NEK7: variants seen among roughly 807,000 people sequenced by gnomAD.
The protein encoded by NEK7 is serine/threonine-protein kinase Nek7.
NEK7 carries 18 observed loss-of-function variants against 44.6 expected under a neutral mutation model. The observed-to-expected ratio is 0.40, with a 90% CI of 0.28 to 0.60. The LOEUF (loss-of-function observed/expected upper bound fraction) is 0.60. Among genes scored for constraint, NEK7 ranks in the 20% least tolerant of loss-of-function variants. NEK7 has a pLI of 0.38. For synonymous variants in NEK7, 130 were observed against 121.1 expected (o/e 1.07, Z -0.48); for missense variants, 256 against 366.5 (o/e 0.70, Z 2.46).
rs1191418763 is a variant in NEK7, at chr1:198,320,611, CTT to C, written c.*1095_*1096del. 6.6e-6 allele frequency: 1 copy of C among 151,960 alleles called. No homozygotes were observed. Among genetic ancestry groups the C allele is most frequent in the Non-Finnish European group, 1.5e-5 (1 of 67,952 alleles). 9.4% of individuals were successfully genotyped at this position (151,960 alleles called of 1,614,324 possible). Reference sequence around the variant, plus strand: ...ACCAATACTTTTCCTGGATTGAAAACTTTTTTTAAACTTTTTAAAATTTGGGC... The same window carrying C: ...ACCAATACTTTTCCTGGATTGAAAACTTTTTAAACTTTTTAAAATTTGGGC... On this transcript the variant is annotated 3_prime_UTR_variant, in exon 10 of 10. Coordinates refer to ENST00000367385, the MANE Select transcript of NEK7 (RefSeq NM_133494.3).
chr1:198,194,128 T>C (rs1665156788), intron 1 of NEK7, among the ~76,000 whole-genome samples: 2 of 152,180 alleles, frequency 1.3e-5, no homozygotes, highest in African/African-American at 2.4e-5. Context: ...AGTCTCAGAA[T>C]ACAAAATCAC....
chr1:198,173,584 T>C (rs1484211913), intron 1 of NEK7, among the ~76,000 whole-genome samples: 1 of 152,160 alleles, frequency 6.6e-6, no homozygotes, highest in Non-Finnish European at 1.5e-5. Flanking sequence ...ATCATTTCCA[T>C]TCTTAATAAA....
chr1:198,219,685 T>C (rs1479155110), intron 1 of NEK7, among the ~76,000 whole-genome samples: 1 of 151,988 alleles, frequency 6.6e-6, no homozygotes, highest in African/African-American at 2.4e-5. Context: ...CATTATTGTA[T>C]AAAATAAGTA....
At chr1:198,162,245 T>A (rs1325710655) in intron 1 of NEK7, among the ~76,000 whole-genome samples, 1 of 152,176 alleles carries the variant, frequency 6.6e-6, no homozygotes, top group Admixed American at 6.5e-5. Context: ...GGGTTTTGTG[T>A]GTGCTGGACT....
intron 8 of NEK7, among the ~76,000 whole-genome samples, chr1:198,295,998 T>C (rs955343576): frequency 6.6e-6 from 1 of 152,136 alleles, no homozygotes; most frequent in Non-Finnish European, 1.5e-5. Context: ...GATAAAAATG[T>C]GTTGAGCTAC....
intron 1 of NEK7, among the ~76,000 whole-genome samples, chr1:198,211,009 C>A (rs1288207537): frequency 6.6e-6 from 1 of 151,878 alleles, no homozygotes; most frequent in Non-Finnish European, 1.5e-5. Flanking sequence ...GCCTCGGCCT[C>A]CCAAAGTGCA....
intron 1 of NEK7, among the ~76,000 whole-genome samples, chr1:198,183,519 T>A (rs976527641): frequency 1.3e-5 from 2 of 152,222 alleles, no homozygotes; most frequent in African/African-American, 4.8e-5. Flanking sequence ...TTATGCATGC[T>A]GACCCTCTAA....
At chr1:198,315,217 C>T (rs1396292494) in intron 9 of NEK7, among the ~76,000 whole-genome samples, 1 of 152,170 alleles carries the variant, frequency 6.6e-6, no homozygotes, top group Non-Finnish European at 1.5e-5. Context: ...GTCTGTCACC[C>T]CTTTCTTTGA....
chr1:198,193,739 T>C (rs1353275360), intron 1 of NEK7, among the ~76,000 whole-genome samples: 1 of 152,116 alleles, frequency 6.6e-6, no homozygotes, highest in Non-Finnish European at 1.5e-5. Context: ...TTTGATAAAA[T>C]TCAGTATCCC....
chr1:198,303,179 T>C (rs1291235397), intron 9 of NEK7, among the ~76,000 whole-genome samples: 1 of 152,082 alleles, frequency 6.6e-6, no homozygotes, highest in African/African-American at 2.4e-5. Flanking sequence ...TTCCATACAT[T>C]TGAGTATGAA....
rs575353950 is a variant in NEK7, at chr1:198,264,003, G to T, written c.262-122G>T. ...ACAATTCACTAAAGAAAAGTATACT[G>T]TCATGTTAAGATTTCTGTAATTTAA... On this transcript the variant is annotated intron_variant, in intron 4 of 9. Transcript: ENST00000367385. The T allele has an allele frequency of 3.4e-5, 33 of 978,712 alleles. No homozygotes were observed. The East Asian group carries it at 1.0e-3, about 30-fold the overall frequency. 60.6% of individuals were successfully genotyped at this position (978,712 alleles called of 1,614,324 possible).
At chr1:198,250,826 AC>A (rs1250754228) in intron 2 of NEK7, among the ~76,000 whole-genome samples, 1 of 149,416 alleles carries the variant, frequency 6.7e-6, no homozygotes, top group African/African-American at 2.5e-5. Context: ...TCATCTGCAA[AC>A]AGGGACAATT....
At chr1:198,271,921 A>C (rs971849209) in intron 5 of NEK7, among the ~76,000 whole-genome samples, 2 of 107,566 alleles carry the variant, frequency 1.9e-5, no homozygotes, top group African/African-American at 8.1e-5. Flanking sequence ...ATATATATAT[A>C]TATACACACA....
intron 3 of NEK7, among the ~76,000 whole-genome samples, chr1:198,258,663 A>G (rs2102939594): frequency 6.6e-6 from 1 of 152,300 alleles, no homozygotes; most frequent in South Asian, 2.1e-4. Flanking sequence ...AGATGACAAA[A>G]GAAAACCTTT....
Position 198,253,085 on chromosome 1 carries a change from C to G in NEK7, c.103C>G (p.Arg35Gly), listed in dbSNP as rs55833332. The G allele has an allele frequency of 8.0e-3, 12,914 of 1,611,886 alleles. 71 individuals carry two copies. Among genetic ancestry groups the G allele is most frequent in the Non-Finnish European group, 9.1e-3 (10,709 of 1,178,562 alleles). ...GGGCTATAATACATTAGCCAACTTT[C>G]GAATAGAAAAGAAAATTGGTCGCGG... ...DMGYNTLANFRIEKKIGRGQF... is the reference protein window; with the variant it reads ...DMGYNTLANFGIEKKIGRGQF... The change falls in exon 3 of 10, where the codon CGA (arginine) becomes GGA (glycine). Residue 35 changes from arginine to glycine, a missense_variant. By Grantham distance (125) the Arg-to-Gly change is moderately radical. Transcript: ENST00000367385.
intron 9 of NEK7, among the ~76,000 whole-genome samples, chr1:198,312,295 C>A (rs1655212712): frequency 3.3e-5 from 5 of 150,450 alleles, no homozygotes; most frequent in African/African-American, 9.8e-5. Flanking sequence ...TCCCCTTTAT[C>A]ATTTTTTATT....
chr1:198,200,815 TGTTGG>T (rs1401269471), intron 1 of NEK7, among the ~76,000 whole-genome samples: 1 of 152,110 alleles, frequency 6.6e-6, no homozygotes, highest in Admixed American at 6.5e-5. Context: ...CCTCCCAAAG[TGTTGG>T]GATTACAGGC....
At chr1:198,175,443 A>T (rs761556537) in intron 1 of NEK7, among the ~76,000 whole-genome samples, 2 of 152,256 alleles carry the variant, frequency 1.3e-5, no homozygotes, top group Non-Finnish European at 2.9e-5. Flanking sequence ...ATAAGGCCTT[A>T]TCAACTTCGT....
At chr1:198,302,398 G>A (rs985660143) in intron 9 of NEK7, among the ~76,000 whole-genome samples, 1 of 151,060 alleles carries the variant, frequency 6.6e-6, no homozygotes, top group Non-Finnish European at 1.5e-5. Flanking sequence ...GGCAGGAGGG[G>A]AGGGTTCTTT....
Sources: gnomAD v4.1 joint callset for allele counts (sites outside exome capture counted in the v4.1 genomes callset) on GRCh38, gnomAD v4.1.1 for gene constraint, MANE v1.5 for transcripts, NCBI Gene and HGNC (gene_info 2026-07-23, HGNC 2026-07-21) for gene names.